LRP5: variants seen among roughly 807,000 people sequenced by gnomAD.
The protein encoded by LRP5 is LDL receptor related protein 5.
In LRP5, 62 loss-of-function variants were observed where a neutral mutation model predicts 154.1. The ratio of observed to expected loss-of-function variants is 0.40; its 90% CI spans 0.33 to 0.50. The LOEUF (loss-of-function observed/expected upper bound fraction) is 0.50. LRP5 is among the 20% of genes least tolerant of loss of function. LRP5 has a pLI of 0.55. For missense variants in LRP5, 1,915 were observed against 2,336.7 expected (o/e 0.82, Z 3.72); for synonymous variants, 966 against 1,011.5 (o/e 0.96, Z 0.85).
chr11:68,316,567 C>T (rs1446825421), intron 1 of LRP5, among the ~76,000 whole-genome samples: 5 of 152,204 alleles, frequency 3.3e-5, no homozygotes, highest in East Asian at 1.9e-4. Context: ...CCATCACGCC[C>T]GGCCTATTTC....
At chr11:68,367,482 G>C (rs2098631733) in intron 5 of LRP5, among the ~76,000 whole-genome samples, 1 of 152,016 alleles carries the variant, frequency 6.6e-6, no homozygotes, top group Non-Finnish European at 1.5e-5. Flanking sequence ...CCTGGAGGAG[G>C]GGGTGCCTCG....
Position 68,425,230 on chromosome 11 carries a change from C to G in LRP5, c.3365C>G (p.Thr1122Arg). ...IRPVALVVDN[T>R]LGKLFWVDAD... ...CCTGTGGCCCTGGTGGTGGACAACA[C>G]ACTGGGCAAGCTGTTCTGGGTGGAC... Residue 1122 changes from threonine (T) to arginine (R), a missense_variant, in exon 15 of 23, where the codon ACA (threonine) becomes AGA (arginine). Around this residue, in one of 3 missense-constraint regions of LRP5, gnomAD observed 1,094 missense variants for 1,210.1 expected, o/e 0.90. Transcript: ENST00000294304. The G allele has an allele frequency of 6.2e-7, 1 of 1,612,744 alleles. No homozygotes were observed.
At chr11:68,355,009 C>T (rs1030997702) in intron 2 of LRP5, among the ~76,000 whole-genome samples, 1 of 152,204 alleles carries the variant, frequency 6.6e-6, no homozygotes, top group East Asian at 1.9e-4. Context: ...GTTCGAGGCT[C>T]CTATGCCCTC....
At chr11:68,398,180 C>G (rs1221788243) in intron 7 of LRP5, among the ~76,000 whole-genome samples, 2 of 152,166 alleles carry the variant, frequency 1.3e-5, no homozygotes, top group African/African-American at 4.8e-5. Flanking sequence ...GGGCTCATGT[C>G]TGTTTGCACA....
At chr11:68,417,013 AAG>A (rs1279450361) in intron 13 of LRP5, among the ~76,000 whole-genome samples, 12 of 152,234 alleles carry the variant, frequency 7.9e-5, no homozygotes, top group Non-Finnish European at 1.5e-4. Flanking sequence ...CATGTAAGAA[AAG>A]AGAGGAACCT....
At chr11:68,429,397 G>A (rs1437869836) in intron 16 of LRP5, among the ~76,000 whole-genome samples, 178 bp from the exon 17 acceptor site, 1 of 152,160 alleles carries the variant, frequency 6.6e-6, no homozygotes, top group East Asian at 1.9e-4. Flanking sequence ...CAATTTCCGT[G>A]TCAGTAGGAA....
At chr11:68,339,967 T>A (rs1259142317) in intron 1 of LRP5, among the ~76,000 whole-genome samples, 4 of 152,066 alleles carry the variant, frequency 2.6e-5, no homozygotes, top group African/African-American at 7.2e-5. Context: ...TCAACTGGGC[T>A]TGGTGGCTCA....
Position 68,312,775 on chromosome 11 carries a change from G to C in LRP5, c.61G>C (p.Ala21Pro). The C allele has an allele frequency of 9.3e-6, 10 of 1,073,696 alleles. No homozygotes were observed. The highest frequency in any genetic ancestry group is 1.1e-5 in the Non-Finnish European group (10 of 882,018). The allele number at this position is 1,073,696 out of a possible 1,614,324, so 66.5% of individuals were successfully genotyped here. The change falls in exon 1 of 23, where the codon GCG becomes CCG. Residue 21 changes from alanine to proline, a missense_variant. Ala to Pro is a conservative substitution (Grantham distance 27, BLOSUM62 -1). Around this residue, in one of 3 missense-constraint regions of LRP5, gnomAD observed 48 missense variants for 25.7 expected, o/e 1.87. Coordinates refer to ENST00000294304, the MANE Select transcript of LRP5 (RefSeq NM_002335.4). ...GCTGCTGCTGCTGCTGCTGCTGCTG[G>C]CGCTGTGCGGCTGCCCGGCCCCCGC... ...PLLLLLLLLL[A>P]LCGCPAPAAA...
intron 13 of LRP5, among the ~76,000 whole-genome samples, chr11:68,422,187 A>T (rs1190493431): frequency 1.3e-5 from 2 of 152,078 alleles, no homozygotes; most frequent in Non-Finnish European, 2.9e-5. Context: ...AACTCAAGTG[A>T]TTCTCCCACC....
intron 18 of LRP5, 50 bp from the exon 19 acceptor site, chr11:68,436,839 G>A: frequency 7.2e-7 from 1 of 1,394,280 alleles, no homozygotes; most frequent in Non-Finnish European, 1.0e-6. Context: ...CTGCATGGTG[G>A]GCTGGGGGGC....
In LRP5 at chr11:68,357,772, T is replaced by C; in HGVS notation, c.611T>C (p.Leu204Pro). 6.2e-7 allele frequency: 1 copy of C among 1,614,112 alleles called. No homozygotes were observed. Among genetic ancestry groups the C allele is most frequent in the Non-Finnish European group, 8.5e-7 (1 of 1,179,992 alleles). Residue 204 changes from leucine to proline, a missense_variant, in exon 3 of 23, where the codon CTG (leucine) becomes CCG (proline). Leu to Pro is a moderately conservative substitution (Grantham distance 98). Around this residue, in one of 3 missense-constraint regions of LRP5, gnomAD observed 773 missense variants for 1,100.9 expected, o/e 0.70. Transcript: ENST00000294304. ...TGGCCCAATGGACTGACCATCGACC[T>C]GGAGGAGCAGAAGCTCTACTGGGCT... ...IYWPNGLTID[L>P]EEQKLYWADA...
chr11:68,375,753 G>C (rs2098636991), intron 5 of LRP5, among the ~76,000 whole-genome samples: 1 of 152,228 alleles, frequency 6.6e-6, no homozygotes, highest in African/African-American at 2.4e-5. Context: ...ACTTTGTCAA[G>C]AGAAGCCCCC....
chr11:68,421,802 T>TGTGTGTGTGTGCGC (rs1459368514), intron 13 of LRP5, among the ~76,000 whole-genome samples: 1 of 141,254 alleles, frequency 7.1e-6, no homozygotes, highest in African/African-American at 2.8e-5. Context: ...GTGGGGTGTG[T>TGTGTGTGTGTGCGC]GTGTGTGTGT....
At chr11:68,439,107 G>A (rs575698039) in intron 20 of LRP5, among the ~76,000 whole-genome samples, 26 of 152,318 alleles carry the variant, frequency 1.7e-4, no homozygotes, top group Admixed American at 4.6e-4. Flanking sequence ...CAATTCCTAC[G>A]TGGCCCAGGC....
At chr11:68,434,966 G>A (rs556847339) in intron 18 of LRP5, among the ~76,000 whole-genome samples, 2 of 152,364 alleles carry the variant, frequency 1.3e-5, no homozygotes, top group East Asian at 3.9e-4. Context: ...ATTTTATGGA[G>A]GCTGTAGACT....
chr11:68,313,121 C>G (rs1261515032), intron 1 of LRP5, among the ~76,000 whole-genome samples: 1 of 149,782 alleles, frequency 6.7e-6, no homozygotes, highest in Non-Finnish European at 1.5e-5. Flanking sequence ...GAGCCGAGCC[C>G]GCGCTGGGCC....
intron 19 of LRP5, among the ~76,000 whole-genome samples, chr11:68,437,967 T>C (rs1249841733): frequency 6.6e-6 from 1 of 152,146 alleles, no homozygotes; most frequent in Non-Finnish European, 1.5e-5. Context: ...TTTGCCAAAG[T>C]TGAGTCTGGA....
chr11:68,373,423 G>A (rs1315637585), intron 5 of LRP5, among the ~76,000 whole-genome samples: 2 of 152,160 alleles, frequency 1.3e-5, no homozygotes, highest in Non-Finnish European at 2.9e-5. Context: ...TGCCTTCAAG[G>A]TGGCACTATT....
intron 13 of LRP5, among the ~76,000 whole-genome samples, chr11:68,420,629 G>A (rs368877147): frequency 1.3e-5 from 2 of 151,800 alleles, no homozygotes; most frequent in Admixed American, 6.6e-5. Flanking sequence ...GCTTGTACCC[G>A]GGAGGCAGAG....
Sources: allele counts gnomAD v4.1 joint callset (sites outside exome capture counted in the v4.1 genomes callset), GRCh38; gene constraint gnomAD v4.1.1; regional missense constraint gnomAD v4.1.1; transcripts MANE v1.5; gene names NCBI Gene and HGNC (gene_info 2026-07-23, HGNC 2026-07-21).